RBFOX3: variants seen among roughly 807,000 people sequenced by gnomAD.
RBFOX3 encodes RNA binding fox-1 homolog 3.
In RBFOX3, 17 loss-of-function variants were observed where a neutral mutation model predicts 48.7. The ratio of observed to expected loss-of-function variants is 0.35; its 90% CI spans 0.24 to 0.52. RBFOX3 has a LOEUF of 0.52. Among genes scored for constraint, RBFOX3 ranks in the 20% least tolerant of loss-of-function variants. RBFOX3 has a pLI of 0.94. For synonymous variants in RBFOX3, 212 were observed against 209.5 expected, an observed-to-expected ratio of 1.01 and a Z score of -0.10; for missense variants, 382 against 497.5, an observed-to-expected ratio of 0.77 and a Z score of 2.21.
At chr17:79,095,312 TG>T (rs889559291) in intron 13 of RBFOX3, among the ~76,000 whole-genome samples, 200 bp downstream of exon 13, 6 of 152,076 alleles carry the variant, frequency 3.9e-5, no homozygotes, top group African/African-American at 1.4e-4. Context: ...AGCCTCCCCA[TG>T]GGGTAAGCAG....
Position 79,190,057 on chromosome 17 carries a change from C to T in RBFOX3, c.-34+45709G>A, listed in dbSNP as rs528264864. Among the ~76,000 whole-genome samples, 9 of 152,370 alleles carry T rather than the reference C, an allele frequency of 5.9e-5. No homozygotes were observed. The East Asian group carries it at 1.7e-3, about 29-fold the overall frequency. Reference sequence around the variant, plus strand: ...CACTCTTGGTACCCCCACTTGCTCTCCTTCAGCATCAGGGTCAACTCCAGC... The same window carrying T: ...CACTCTTGGTACCCCCACTTGCTCTTCTTCAGCATCAGGGTCAACTCCAGC... On this transcript the variant is annotated intron_variant, in intron 4 of 14. Coordinates refer to ENST00000693108, the MANE Select transcript of RBFOX3 (RefSeq NM_001350451.2).
intron 1 of RBFOX3, among the ~76,000 whole-genome samples, chr17:79,583,856 C>T (rs1005608144): frequency 6.6e-6 from 1 of 152,200 alleles, no homozygotes; most frequent in Non-Finnish European, 1.5e-5. Context: ...AGGTGGTGGC[C>T]ATGGGAAAGG....
intron 4 of RBFOX3, among the ~76,000 whole-genome samples, chr17:79,190,685 T>G (rs1202243751): frequency 6.6e-6 from 1 of 152,170 alleles, no homozygotes; most frequent in African/African-American, 2.4e-5. Context: ...TACACAAACC[T>G]TTTCCGTCTT....
chr17:79,197,706 A>G (rs1242351434), intron 4 of RBFOX3, among the ~76,000 whole-genome samples: 1 of 151,926 alleles, frequency 6.6e-6, no homozygotes, highest in Non-Finnish European at 1.5e-5. Flanking sequence ...GAAAACAGAT[A>G]TTTCTTTCTA....
intron 4 of RBFOX3, among the ~76,000 whole-genome samples, chr17:79,119,911 T>A (rs534934533): frequency 1.5e-3 from 230 of 152,294 alleles, no homozygotes; most frequent in Non-Finnish European, 2.6e-3. Flanking sequence ...GAGACTGACA[T>A]GCAGCCCTGG....
At chr17:79,200,989 A>G (rs1263854599) in intron 4 of RBFOX3, among the ~76,000 whole-genome samples, 3 of 151,848 alleles carry the variant, frequency 2.0e-5, no homozygotes, top group Non-Finnish European at 4.4e-5. Flanking sequence ...CACTGCCCTC[A>G]GCTCCTTCCT....
At chr17:79,329,672 C>A (rs528804187) in intron 2 of RBFOX3, among the ~76,000 whole-genome samples, 5 of 152,156 alleles carry the variant, frequency 3.3e-5, no homozygotes, top group African/African-American at 7.2e-5. Context: ...GTAGGCCCCC[C>A]ACCCCGGCCT....
At chr17:79,589,786 TG>T (rs1160159524) in intron 1 of RBFOX3, among the ~76,000 whole-genome samples, 1 of 151,996 alleles carries the variant, frequency 6.6e-6, no homozygotes, top group Non-Finnish European at 1.5e-5. Context: ...CGTCCCACCA[TG>T]GGGGGTCTGT....
chr17:79,292,535 T>C lies in RBFOX3; in HGVS notation c.-74+15189A>G, dbSNP rs541320294. On this transcript the variant is annotated intron_variant, in intron 3 of 14. Coordinates refer to ENST00000693108, the MANE Select transcript of RBFOX3 (RefSeq NM_001350451.2). ...TAAAATGTTAGTCTATAATGGAACA[T>C]GTTTACACTCACACTTACAGTTGGC... Among the ~76,000 whole-genome samples the C allele has an allele frequency of 2.0e-5, 3 of 152,050 alleles. No homozygotes were observed. The South Asian group carries it at 6.2e-4, about 32-fold the overall frequency.
chr17:79,658,870 C>T, the RBFOX3 span, among the ~76,000 whole-genome samples: 36 of 152,214 alleles, frequency 2.4e-4, no homozygotes, highest in Non-Finnish European at 5.1e-4. Context: ...GTCACTTACT[C>T]AACAAGATAA....
rs116387063 is a variant in RBFOX3, at chr17:79,365,510, G to A, written c.-174-57686C>T. Among the ~76,000 whole-genome samples, 307 of 152,318 alleles carry A rather than the reference G, an allele frequency of 2.0e-3. 1 individual carries two copies. The highest frequency in any genetic ancestry group is 7.0e-3 in the African/African-American group (291 of 41,578). ...ACTTAATTCCAATGTGCTCTAGCGCGGCCCTGGCGCTCCCACGCGAACACC... is the reference window on the plus strand; with the variant it reads ...ACTTAATTCCAATGTGCTCTAGCGCAGCCCTGGCGCTCCCACGCGAACACC... On this transcript the variant is annotated intron_variant, in intron 2 of 14. Coordinates refer to ENST00000693108, the MANE Select transcript of RBFOX3 (RefSeq NM_001350451.2).
At chr17:79,588,569 A>G (rs1479002425) in intron 1 of RBFOX3, among the ~76,000 whole-genome samples, 1 of 151,840 alleles carries the variant, frequency 6.6e-6, no homozygotes, top group Admixed American at 6.6e-5. Context: ...CCCACCCCAC[A>G]CCCCCTTCAC....
At chr17:79,478,813 T>C (rs1340877784) in intron 2 of RBFOX3, among the ~76,000 whole-genome samples, 2 of 152,222 alleles carry the variant, frequency 1.3e-5, no homozygotes, top group African/African-American at 2.4e-5. Context: ...GCAGCATCCA[T>C]GTTTTTAATA....
intron 1 of RBFOX3, among the ~76,000 whole-genome samples, chr17:79,572,636 G>A (rs2092716692): frequency 1.3e-5 from 2 of 152,352 alleles, no homozygotes; most frequent in Admixed American, 1.3e-4. Flanking sequence ...CCCCAGGTGA[G>A]TACCACAGTC....
intron 3 of RBFOX3, among the ~76,000 whole-genome samples, chr17:79,295,379 G>C (rs2074168455): frequency 6.6e-6 from 1 of 152,178 alleles, no homozygotes; most frequent in Non-Finnish European, 1.5e-5. Flanking sequence ...AGGGAGAGCA[G>C]GAGGAAAAAA....
chr17:79,378,629 G>A (rs560742702), intron 2 of RBFOX3, among the ~76,000 whole-genome samples: 11 of 152,172 alleles, frequency 7.2e-5, no homozygotes, highest in East Asian at 1.9e-4. Context: ...TGGGGGGCCC[G>A]GAAAAAGAAA....
chr17:79,653,169 C>A, the RBFOX3 span, among the ~76,000 whole-genome samples: 9 of 152,252 alleles, frequency 5.9e-5, no homozygotes, highest in East Asian at 1.7e-3. Context: ...TAAGGCCAAG[C>A]AGTAAACAAA....
At chr17:79,587,111 G>A (rs2093273994) in intron 1 of RBFOX3, among the ~76,000 whole-genome samples, 2 of 152,198 alleles carry the variant, frequency 1.3e-5, no homozygotes, top group Admixed American at 1.3e-4. Flanking sequence ...GTAACTGGTG[G>A]GCGCAAGGCA....
chr17:79,504,712 T>C (rs927297582), intron 1 of RBFOX3, among the ~76,000 whole-genome samples: 10 of 152,220 alleles, frequency 6.6e-5, no homozygotes, highest in Non-Finnish European at 8.8e-5. Flanking sequence ...CCCGCCTGGA[T>C]AATCCAGCAC....
Sources: gnomAD v4.1 joint callset for allele counts (sites outside exome capture counted in the v4.1 genomes callset) on GRCh38, gnomAD v4.1.1 for gene constraint, MANE v1.5 for transcripts, NCBI Gene and HGNC (gene_info 2026-07-23, HGNC 2026-07-21) for gene names.